MPPE1: variants seen among roughly 807,000 people sequenced by gnomAD.
MPPE1 encodes metallophosphoesterase 1.
Under a neutral mutation model 43.8 loss-of-function variants are expected in MPPE1, and 28 were observed. The observed-to-expected ratio is 0.64, with a 90% CI of 0.47 to 0.88. The LOEUF (loss-of-function observed/expected upper bound fraction) is 0.88. MPPE1 is among the 40% of genes least tolerant of loss of function. The probability of loss-of-function intolerance (pLI) is 0.00; values close to 1 mark genes in which losing one functional copy is unlikely to be tolerated. For synonymous variants in MPPE1, 159 were observed against 188.5 expected, an observed-to-expected ratio of 0.84 and a Z score of 1.28; for missense variants, 428 against 492.2, an observed-to-expected ratio of 0.87 and a Z score of 1.23.
At chr18:11,907,554 C>A (rs559456987) in intron 1 of MPPE1, among the ~76,000 whole-genome samples, 4 of 152,092 alleles carry the variant, frequency 2.6e-5, no homozygotes, top group African/African-American at 4.8e-5. Context: ...CCGCAGGCTG[C>A]GTCACAGCTC....
Position 11,887,005 on chromosome 18 carries a change from ACG to A in MPPE1, c.588_589del (p.Val197GlyfsTer12). The A allele has an allele frequency of 6.2e-7, 1 of 1,613,438 alleles. No homozygotes were observed. The highest frequency in any genetic ancestry group is 8.5e-7 in the Non-Finnish European group (1 of 1,179,488). On this transcript the variant is annotated frameshift_variant, in exon 7 of 11. Transcript: ENST00000588072. LOFTEE classifies it high-confidence loss of function. ...GCCACAGCCATCCCCGTTCAGCGCCACGCTGTTGACCATCACAAAGCTGAAGC... is the reference window on the plus strand; with the variant it reads ...GCCACAGCCATCCCCGTTCAGCGCCACTGTTGACCATCACAAAGCTGAAGC...
Position 11,907,605 on chromosome 18 carries a change from C to T in MPPE1, c.-200+596G>A, listed in dbSNP as rs146095025. ...TCCTGCGCTGAAGCGATCCTTTCCC[C>T]CACAACTTCTCGAGTAGCAGGGACT... On this transcript the variant is annotated intron_variant, in intron 1 of 10. Coordinates refer to ENST00000588072, the MANE Select transcript of MPPE1 (RefSeq NM_023075.6). 5.5e-4 allele frequency among the ~76,000 whole-genome samples: 84 copies of T among 152,008 alleles called. 1 individual carries two copies. In the East Asian group the frequency reaches 0.013, roughly 24 times the overall value.
rs971569935 is a variant in MPPE1, at chr18:11,883,049, T to G, written c.*1396A>C. 1.1e-4 allele frequency: 16 copies of G among 149,694 alleles called. No homozygotes were observed. The highest frequency in any genetic ancestry group is 3.9e-4 in the African/African-American group (16 of 40,760). The allele number at this position is 149,694 out of a possible 1,614,324, so 9.3% of individuals were successfully genotyped here. A position where few individuals can be genotyped will look rare whatever the true frequency, so the allele number is the denominator to read the frequency against. Reference sequence around the variant, plus strand: ...AGTGACAGCCTACATTACTTCATTATTACTCTTCTTTTAGTCTTTAGTCTT... The same window carrying G: ...AGTGACAGCCTACATTACTTCATTAGTACTCTTCTTTTAGTCTTTAGTCTT... On this transcript the variant is annotated 3_prime_UTR_variant, in exon 11 of 11. Transcript: ENST00000588072.
chr18:11,904,485 ATTTTTGCAT>A (rs1026143216), intron 2 of MPPE1, among the ~76,000 whole-genome samples: 13 of 152,098 alleles, frequency 8.5e-5, no homozygotes, highest in Non-Finnish European at 1.5e-4. Context: ...CGCCCCACCA[ATTTTTGCAT>A]TTTTTGTAGA....
At chr18:11,905,872 A>G (rs1193843666) in intron 2 of MPPE1, 1 of 152,198 alleles carries the variant, frequency 6.6e-6, no homozygotes, top group East Asian at 1.9e-4. Flanking sequence ...AAAGTAGCCA[A>G]ATGGCAGCGC....
chr18:11,889,756 T>C (rs532274346), intron 4 of MPPE1, among the ~76,000 whole-genome samples: 1 of 151,772 alleles, frequency 6.6e-6, no homozygotes, highest in Admixed American at 6.6e-5. Context: ...GTATTTTTAG[T>C]AGAGACAGGG....
At chr18:11,903,721 G>C (rs2039424912) in intron 2 of MPPE1, among the ~76,000 whole-genome samples, 1 of 152,170 alleles carries the variant, frequency 6.6e-6, no homozygotes, top group South Asian at 2.1e-4. Context: ...CAGGAGAATG[G>C]CGTGAACCCA....
chr18:11,900,796 A>G (rs2039098620), intron 2 of MPPE1, among the ~76,000 whole-genome samples: 1 of 151,704 alleles, frequency 6.6e-6, no homozygotes, highest in South Asian at 2.1e-4. Context: ...AGTCCCAGCT[A>G]CTCGGGAGGA....
rs2038713931 is a variant in MPPE1 at position 11,897,371 on chromosome 18, A to G, written c.-92-15T>C. The G allele has an allele frequency of 9.2e-7, 1 of 1,084,382 alleles. No homozygotes were observed. The highest frequency in any genetic ancestry group is 2.2e-5 in the Admixed American group (1 of 44,618). The allele number at this position is 1,084,382 out of a possible 1,614,324, so 67.2% of individuals were successfully genotyped here. On this transcript the variant is annotated splice_polypyrimidine_tract_variant and intron_variant, in intron 2 of 10. Coordinates refer to ENST00000588072, the MANE Select transcript of MPPE1 (RefSeq NM_023075.6). ...TAGCTGGGCACCTACGGGAAAAGGA[A>G]AAGAATTCAGTTATGTTCCCTAATA...
At chr18:11,900,099 C>A (rs1484504559) in intron 2 of MPPE1, among the ~76,000 whole-genome samples, 1 of 152,140 alleles carries the variant, frequency 6.6e-6, no homozygotes, top group African/African-American at 2.4e-5. Flanking sequence ...TGTAATCCAG[C>A]ACTTTGGGAG....
chr18:11,905,744 G>T (rs2039658064), intron 2 of MPPE1: 1 of 152,200 alleles, frequency 6.6e-6, no homozygotes, highest in Admixed American at 6.5e-5. Context: ...CTACCTTTTT[G>T]TCAGGAAAGA....
At chr18:11,890,727 C>T (rs1255560169) in intron 4 of MPPE1, among the ~76,000 whole-genome samples, 6 of 152,048 alleles carry the variant, frequency 3.9e-5, no homozygotes, top group Non-Finnish European at 8.8e-5. Context: ...ATTCATAGAC[C>T]CTGGTGGAGA....
intron 4 of MPPE1, among the ~76,000 whole-genome samples, chr18:11,892,206 G>A (rs1250969277): frequency 1.3e-5 from 2 of 151,680 alleles, no homozygotes; most frequent in Non-Finnish European, 2.9e-5. Flanking sequence ...AGGGCATGGT[G>A]GTGTGTGCCT....
chr18:11,889,601 T>A (rs2037733712), intron 4 of MPPE1, 111 bp from the exon 5 acceptor site: 1 of 694,446 alleles, frequency 1.4e-6, no homozygotes, highest in African/African-American at 1.8e-5. Flanking sequence ...TCTGGCTCTG[T>A]CTCCAGGCTG....
chr18:11,896,095 CTTTTT>C (rs1178920790), intron 3 of MPPE1, among the ~76,000 whole-genome samples: 14 of 80,448 alleles, frequency 1.7e-4, no homozygotes, highest in African/African-American at 5.6e-4. Flanking sequence ...ATTCTTTATT[CTTTTT>C]TTTTTTTTTT....
intron 2 of MPPE1, chr18:11,905,486 G>C (rs940510009): frequency 6.6e-6 from 1 of 152,140 alleles, no homozygotes; most frequent in Admixed American, 6.5e-5. Flanking sequence ...TAACTTGTAG[G>C]CCTGATAGGG....
At chr18:11,903,309 C>A (rs1282361413) in intron 2 of MPPE1, among the ~76,000 whole-genome samples, 3 of 152,130 alleles carry the variant, frequency 2.0e-5, no homozygotes, top group African/African-American at 7.2e-5. Context: ...CAGAGTATGA[C>A]CTTCTGGGGG....
intron 6 of MPPE1, 76 bp downstream of exon 6, chr18:11,888,586 TAGATCCC>T (rs2144230850): frequency 1.3e-6 from 1 of 794,674 alleles, no homozygotes; most frequent in Admixed American, 2.7e-5. Flanking sequence ...AGGTAGATGA[TAGATCCC>T]AGTATGGCAG....
chr18:11,889,535 G>GGCT, intron 4 of MPPE1, 45 bp from the exon 5 acceptor site: 1 of 1,425,378 alleles, frequency 7.0e-7, no homozygotes, highest in Non-Finnish European at 9.6e-7. Flanking sequence ...AACCATCTCT[G>GGCT]CCCTGTGGCT....
Sources: gnomAD v4.1 joint callset for allele counts (sites outside exome capture counted in the v4.1 genomes callset) on GRCh38, gnomAD v4.1.1 for gene constraint, MANE v1.5 for transcripts, NCBI Gene and HGNC (gene_info 2026-07-23, HGNC 2026-07-21) for gene names.